Variants in PRKN observed in about 807,000 individuals in gnomAD.
PRKN encodes E3 ubiquitin-protein ligase parkin.
A neutral mutation model predicts 59.5 loss-of-function variants in PRKN; 56 were observed. The observed-to-expected ratio is 0.94, with a 90% confidence interval of 0.76 to 1.18. The LOEUF (loss-of-function observed/expected upper bound fraction) is 1.18, where lower values mean the gene tolerates loss of function less well. Among genes scored for constraint, PRKN ranks in the 50% most tolerant of loss-of-function variants. The pLI is 0.00. For synonymous variants in PRKN, 250 were observed against 222.1 expected, an observed-to-expected ratio of 1.13 and a Z score of -1.12; for missense variants, 657 against 596.4, an observed-to-expected ratio of 1.10 and a Z score of -1.06.
intron 2 of PRKN, among the ~76,000 whole-genome samples, chr6:162,294,602 G>A (rs1489219623): frequency 6.6e-6 from 1 of 152,098 alleles, no homozygotes; most frequent in African/African-American, 2.4e-5. Context: ...TCCTGCACAC[G>A]ATTTAATTGG....
intron 2 of PRKN, among the ~76,000 whole-genome samples, chr6:162,407,363 G>T (rs1344123882): frequency 1.3e-5 from 2 of 152,130 alleles, no homozygotes; most frequent in Non-Finnish European, 2.9e-5. Flanking sequence ...TGTACAAAGA[G>T]GCTTTATTCA....
At chr6:162,163,908 C>T (rs1448504390) in intron 4 of PRKN, among the ~76,000 whole-genome samples, 1 of 149,176 alleles carries the variant, frequency 6.7e-6, no homozygotes, top group Non-Finnish European at 1.5e-5. Context: ...TCTAATTAAA[C>T]CAACCCCACT....
At chr6:161,528,467 G>A (rs1421625963) in intron 9 of PRKN, among the ~76,000 whole-genome samples, 1 of 152,118 alleles carries the variant, frequency 6.6e-6, no homozygotes, top group Non-Finnish European at 1.5e-5. Flanking sequence ...GTGAAAATGG[G>A]AAATAAGACA....
At chr6:161,812,345 C>T (rs867845576) in intron 6 of PRKN, among the ~76,000 whole-genome samples, 14 of 152,184 alleles carry the variant, frequency 9.2e-5, no homozygotes, top group African/African-American at 1.9e-4. Flanking sequence ...CTGCAGATTA[C>T]GGCACTGTAC....
chr6:161,476,056 G>A (rs1032258277), intron 9 of PRKN, among the ~76,000 whole-genome samples: 18 of 151,692 alleles, frequency 1.2e-4, no homozygotes, highest in African/African-American at 3.1e-4. Flanking sequence ...GCGTGGTGGC[G>A]GGCGCCTGTA....
intron 6 of PRKN, among the ~76,000 whole-genome samples, chr6:161,955,879 C>A (rs1780152617): frequency 6.6e-6 from 1 of 152,006 alleles, no homozygotes; most frequent in Non-Finnish European, 1.5e-5. Context: ...AATAAAATTT[C>A]CTTGGACAGA....
At chr6:161,382,710 C>A (rs1271811123) in intron 10 of PRKN, among the ~76,000 whole-genome samples, 5 of 152,228 alleles carry the variant, frequency 3.3e-5, no homozygotes, top group Admixed American at 6.5e-5. Context: ...TTCCCAAACT[C>A]CCAGCAGTTT....
At chr6:161,896,455 C>T (rs967107375) in intron 6 of PRKN, among the ~76,000 whole-genome samples, 2 of 152,190 alleles carry the variant, frequency 1.3e-5, no homozygotes, top group African/African-American at 4.8e-5. Context: ...CCAGCCACAC[C>T]TACCAAGATG....
intron 9 of PRKN, among the ~76,000 whole-genome samples, chr6:161,523,739 A>G (rs518666): frequency 0.84 from 128,294 of 152,208 alleles, 54,317 homozygotes; most frequent in Middle Eastern, 0.88. Context: ...ATTTCATGGA[A>G]AGTAAGTATT....
At chr6:162,697,742 A>G (rs1438271606) in intron 1 of PRKN, among the ~76,000 whole-genome samples, 2 of 152,242 alleles carry the variant, frequency 1.3e-5, no homozygotes, top group Non-Finnish European at 2.9e-5. Flanking sequence ...CAATTTTTGC[A>G]TATCTAACCA....
At chr6:161,890,669 G>C (rs1341751089) in intron 6 of PRKN, among the ~76,000 whole-genome samples, 3 of 152,144 alleles carry the variant, frequency 2.0e-5, no homozygotes, top group Non-Finnish European at 4.4e-5. Flanking sequence ...CTCTGTCAGG[G>C]ATTTACCCTG....
intron 4 of PRKN, among the ~76,000 whole-genome samples, chr6:162,072,650 T>C (rs9458448): frequency 0.39 from 59,106 of 152,106 alleles, 12,154 homozygotes; most frequent in Admixed American, 0.49. Context: ...CACAAGTTCC[T>C]GATTTCAAAG....
At chr6:162,508,024 A>G (rs1317890371) in intron 1 of PRKN, among the ~76,000 whole-genome samples, 1 of 152,216 alleles carries the variant, frequency 6.6e-6, no homozygotes, top group Non-Finnish European at 1.5e-5. Context: ...TGATAAAGAT[A>G]TACCCAAGAC....
rs919495184 is a variant in PRKN at position 161,530,972 on chromosome 6, T to G, written c.1083+17882A>C. On this transcript the variant is annotated intron_variant, in intron 9 of 11. Transcript: ENST00000366898. This position sits in a 1 kb window ranked among gnomAD's most constrained non-coding sequence, Gnocchi z 5.0. ...CAAATTTCAGTTTCATATTTTCAAC[T>G]ACCTACGGGATATTTTATTGCTTCA... 2.0e-5 allele frequency among the ~76,000 whole-genome samples: 3 copies of G among 152,218 alleles called. No homozygotes were observed. The highest frequency in any genetic ancestry group is 4.4e-5 in the Non-Finnish European group (3 of 68,046).
At chr6:162,350,789 GC>G (rs765599856) in intron 2 of PRKN, among the ~76,000 whole-genome samples, 6 of 151,964 alleles carry the variant, frequency 3.9e-5, no homozygotes, top group Non-Finnish European at 8.8e-5. Flanking sequence ...GATCCCCAAA[GC>G]ATGACCAAAA....
chr6:162,201,436 T>C (rs971157069), intron 3 of PRKN, among the ~76,000 whole-genome samples, 184 bp from the exon 4 acceptor site: 1 of 152,186 alleles, frequency 6.6e-6, no homozygotes, highest in African/African-American at 2.4e-5. Context: ...AACTTTATGC[T>C]CCAAGAGTGA....
intron 6 of PRKN, among the ~76,000 whole-genome samples, chr6:161,787,237 T>G (rs1378251409): frequency 6.6e-6 from 1 of 152,238 alleles, no homozygotes; most frequent in East Asian, 1.9e-4. Context: ...TTATCCCACT[T>G]ACTTCAAAGC....
intron 1 of PRKN, among the ~76,000 whole-genome samples, chr6:162,494,289 T>A (rs1399018928): frequency 6.6e-6 from 1 of 152,156 alleles, no homozygotes; most frequent in East Asian, 1.9e-4. Flanking sequence ...CTGTGCTGTG[T>A]CCCCTGGCCT....
Position 161,386,833 on chromosome 6 carries a change from C to T in PRKN, c.1128G>A (p.Glu376=), listed in dbSNP as rs1786275486. ...RECKEAYHEG[E]CSAVFEASGT... ...CTGAGGCTTCAAATACGGCACTGCACTCCCCTTCATGGTACGCTTCTTTAC... is the reference window on the plus strand; with the variant it reads ...CTGAGGCTTCAAATACGGCACTGCATTCCCCTTCATGGTACGCTTCTTTAC... Residue 376 remains glutamate (E), a synonymous_variant, in exon 10 of 12, where the codon GAG becomes GAA. Transcript: ENST00000366898. The surrounding 1 kb of genome is among the most constrained non-coding windows in gnomAD (Gnocchi z 4.3). 1.9e-6 allele frequency: 3 copies of T among 1,613,954 alleles called. No individual in the cohort carries two copies. Among genetic ancestry groups the T allele is most frequent in the African/African-American group, 1.3e-5 (1 of 74,914 alleles).
Sources: gnomAD v4.1 joint callset for allele counts (sites outside exome capture counted in the v4.1 genomes callset) on GRCh38, gnomAD v4.1.1 for gene constraint, Gnocchi (gnomAD v3.1) non-coding constraint, MANE v1.5 for transcripts, NCBI Gene and HGNC (gene_info 2026-07-23, HGNC 2026-07-21) for gene names.